SH3RF1: variants seen among roughly 807,000 people sequenced by gnomAD.
SH3RF1 encodes SH3 domain containing ring finger 1.
A neutral mutation model predicts 74.0 loss-of-function variants in SH3RF1; 32 were observed. The observed-to-expected ratio is 0.43, with a 90% confidence interval of 0.33 to 0.58. SH3RF1 has a LOEUF of 0.58. SH3RF1 is among the 20% of genes least tolerant of loss of function. The pLI, the probability that SH3RF1 is intolerant of heterozygous loss-of-function variation, is 0.05. For missense variants in SH3RF1, 954 were observed against 1,130.9 expected (o/e 0.84, Z 2.24); for synonymous variants, 396 against 439.6 (o/e 0.90, Z 1.24).
chr4:169,263,337 CCTTA>C (rs772721902), intron 2 of SH3RF1, among the ~76,000 whole-genome samples: 39 of 152,306 alleles, frequency 2.6e-4, no homozygotes, highest in Admixed American at 4.6e-4. Context: ...CTATCTGCTG[CCTTA>C]CTTGTTGTTT....
chr4:169,155,517 G>T lies in SH3RF1; in HGVS notation c.728C>A (p.Ala243Glu), dbSNP rs1479511378. 1.9e-6 allele frequency: 3 copies of T among 1,613,450 alleles called. No individual in the cohort carries two copies. The Admixed American group carries it at 5.0e-5, about 27-fold the overall frequency. Residue 243 changes from alanine to glutamate, a missense_variant, in exon 4 of 12, where the codon GCA becomes GAA. Physicochemically the swap from Ala to Glu is moderately radical, Grantham distance 107. This residue lies in a region of SH3RF1 where 854 missense variants were observed against 962.5 expected (regional missense o/e 0.89). Coordinates refer to ENST00000284637, the MANE Select transcript of SH3RF1 (RefSeq NM_020870.4). ...VDENWAEGML[A>E]DKIGIFPISY... is the part of the protein sequence containing the mutation. ...AATTGGAAATATTCCTATTTTGTCT[G>T]CCAGCATTCCTTCAGCCCAGTTTTC...
At chr4:169,182,452 T>C (rs1734526741) in intron 2 of SH3RF1, among the ~76,000 whole-genome samples, 2 of 152,206 alleles carry the variant, frequency 1.3e-5, no homozygotes, top group Non-Finnish European at 2.9e-5. Flanking sequence ...AATTTCTTAA[T>C]TGCCTAGAAA....
At chr4:169,267,849 C>T (rs1201298254) in intron 2 of SH3RF1, among the ~76,000 whole-genome samples, 1 of 152,122 alleles carries the variant, frequency 6.6e-6, no homozygotes, top group Non-Finnish European at 1.5e-5. Context: ...AAAAAATATT[C>T]TCATCTAGAT....
chr4:169,117,896 T>G, intron 8 of SH3RF1, 114 bp from the exon 9 acceptor site: 1 of 1,241,364 alleles, frequency 8.1e-7, no homozygotes, highest in Non-Finnish European at 1.1e-6. Flanking sequence ...TTTTAAAAAA[T>G]GAATGGAATT....
In SH3RF1 at chr4:169,228,717, A is replaced by T. The variant is rs574279039; in HGVS notation, c.393+40103T>A. On this transcript the variant is annotated intron_variant, in intron 2 of 11. Coordinates refer to ENST00000284637, the MANE Select transcript of SH3RF1 (RefSeq NM_020870.4). ...ATCTTGAGGGGAGGGAAAGGGAATG[A>T]CACATTAGTCTGCCTACTGCAGCAT... 1.3e-3 allele frequency among the ~76,000 whole-genome samples: 203 copies of T among 152,292 alleles called. 3 individuals carry two copies. Among genetic ancestry groups the T allele is most frequent in the Admixed American group, 0.013 (194 of 15,292 alleles).
chr4:169,147,734 C>T (rs982020075), intron 4 of SH3RF1, among the ~76,000 whole-genome samples: 1 of 152,128 alleles, frequency 6.6e-6, no homozygotes, highest in African/African-American at 2.4e-5. Context: ...TCTAGAGAAG[C>T]CTGTTCCCCA....
chr4:169,251,297 C>T (rs561326860), intron 2 of SH3RF1, among the ~76,000 whole-genome samples: 7 of 152,296 alleles, frequency 4.6e-5, no homozygotes, highest in Non-Finnish European at 1.0e-4. Flanking sequence ...TATATCTAAA[C>T]AAATACACGT....
chr4:169,128,592 A>T (rs1733563898), intron 6 of SH3RF1, among the ~76,000 whole-genome samples: 1 of 152,238 alleles, frequency 6.6e-6, no homozygotes, highest in Non-Finnish European at 1.5e-5. Context: ...TTTCTAAATC[A>T]GTTTTCAATT....
chr4:169,220,857 A>G (rs1428901322), intron 2 of SH3RF1, among the ~76,000 whole-genome samples: 1 of 152,260 alleles, frequency 6.6e-6, no homozygotes, highest in Non-Finnish European at 1.5e-5. Context: ...TAGTATTTAT[A>G]ATTTCCAAAA....
Position 169,136,517 on chromosome 4 carries a change from G to A in SH3RF1, c.869C>T (p.Pro290Leu). The A allele has an allele frequency of 6.2e-7, 1 of 1,613,760 alleles. No homozygotes were observed. Among genetic ancestry groups the A allele is most frequent in the Non-Finnish European group, 8.5e-7 (1 of 1,179,892 alleles). The change falls in exon 5 of 12, where the codon CCA becomes CTA. Residue 290 changes from proline to leucine, a missense_variant. Physicochemically the swap from Pro to Leu is moderately conservative, Grantham distance 98. Around this residue, in one of 3 missense-constraint regions of SH3RF1, gnomAD observed 854 missense variants for 962.5 expected, o/e 0.89. Transcript: ENST00000284637. ...SSAAAQSSTA[P>L]KHSDTKKNTK... The stretch of plus-strand genomic sequence containing the variant: ...GTTCTTCTTGGTGTCGGAGTGCTTT[G>A]GGGCAGTGCTGCTCTGGGCTGCTGC...
rs148025970 is a variant in SH3RF1 at position 169,212,599 on chromosome 4, G to A, written c.394-55920C>T. ...CAAAACTGAGCAGGAAGTACAGAGA[G>A]TTCCCATATACTCCTAAACACAGAC... On this transcript the variant is annotated intron_variant, in intron 2 of 11. Coordinates refer to ENST00000284637, the MANE Select transcript of SH3RF1 (RefSeq NM_020870.4). Among the ~76,000 whole-genome samples the A allele has an allele frequency of 4.9e-4, 74 of 152,210 alleles. 1 individual carries two copies. Among genetic ancestry groups the A allele is most frequent in the African/African-American group, 1.5e-3 (62 of 41,520 alleles).
intron 2 of SH3RF1, among the ~76,000 whole-genome samples, chr4:169,185,974 C>T (rs2706723): frequency 0.47 from 71,434 of 151,996 alleles, 18,076 homozygotes; most frequent in East Asian, 0.78. Flanking sequence ...CACTCTCCAC[C>T]GCCTGCTTCC....
In SH3RF1 at chr4:169,214,906, T is replaced by C. The variant is rs146539862; in HGVS notation, c.393+53914A>G. On this transcript the variant is annotated intron_variant, in intron 2 of 11. Coordinates refer to ENST00000284637, the MANE Select transcript of SH3RF1 (RefSeq NM_020870.4). ...TCTACGTATATTATCATGTCCTCTGTAAACAGACATTTTTATTTCTTCCTT... is the reference window on the plus strand; with the variant it reads ...TCTACGTATATTATCATGTCCTCTGCAAACAGACATTTTTATTTCTTCCTT... Among the ~76,000 whole-genome samples the C allele has an allele frequency of 4.7e-3, 715 of 152,324 alleles. 5 individuals are homozygous for C. Among genetic ancestry groups the C allele is most frequent in the African/African-American group, 0.017 (690 of 41,586 alleles).
At chr4:169,174,833 A>G (rs1734391518) in intron 2 of SH3RF1, among the ~76,000 whole-genome samples, 1 of 123,418 alleles carries the variant, frequency 8.1e-6, no homozygotes, top group Non-Finnish European at 1.8e-5. Context: ...AGTGACTCTC[A>G]TATGAAGCGC....
chr4:169,155,252 C>T (rs1193094380), intron 4 of SH3RF1, among the ~76,000 whole-genome samples: 2 of 152,100 alleles, frequency 1.3e-5, no homozygotes, highest in Admixed American at 1.3e-4. Context: ...TAACAAGACA[C>T]AGGAATGCTT....
At chr4:169,247,392 G>A (rs932562449) in intron 2 of SH3RF1, among the ~76,000 whole-genome samples, 1 of 152,186 alleles carries the variant, frequency 6.6e-6, no homozygotes. Context: ...CTGGTCCAGG[G>A]GAGAGTGATG....
At chr4:169,177,875 C>T (rs747104988) in intron 2 of SH3RF1, among the ~76,000 whole-genome samples, 7 of 151,898 alleles carry the variant, frequency 4.6e-5, no homozygotes, top group South Asian at 2.1e-4. Flanking sequence ...TATATGCTCA[C>T]GTTATACATA....
intron 2 of SH3RF1, among the ~76,000 whole-genome samples, chr4:169,220,737 A>G (rs1012316613): frequency 6.6e-6 from 1 of 152,256 alleles, no homozygotes; most frequent in Admixed American, 6.5e-5. Context: ...AAGCTTGAAC[A>G]TACTAACAAT....
At chr4:169,265,704 C>A (rs1731341123) in intron 2 of SH3RF1, among the ~76,000 whole-genome samples, 1 of 152,068 alleles carries the variant, frequency 6.6e-6, no homozygotes, top group African/African-American at 2.4e-5. Context: ...AACTCTTGAC[C>A]TCAAGTGATC....
Sources: allele counts gnomAD v4.1 joint callset (sites outside exome capture counted in the v4.1 genomes callset), GRCh38; gene constraint gnomAD v4.1.1; regional missense constraint gnomAD v4.1.1; transcripts MANE v1.5; gene names NCBI Gene and HGNC (gene_info 2026-07-23, HGNC 2026-07-21).